LRFN5: variants seen among roughly 807,000 people sequenced by gnomAD.
LRFN5 encodes the protein leucine-rich repeat and fibronectin type-III domain-containing protein 5.
In LRFN5, 24 loss-of-function variants were observed where a neutral mutation model predicts 45.6. That is an observed-to-expected ratio of 0.53 (90% CI 0.38 to 0.74). The LOEUF (loss-of-function observed/expected upper bound fraction) is 0.74. Ranked by LOEUF, LRFN5 falls within the 30% of genes least tolerant of loss-of-function variation. The pLI, the probability that LRFN5 is intolerant of heterozygous loss-of-function variation, is 0.00. For missense variants in LRFN5, 776 were observed against 861.5 expected (o/e 0.90, Z 1.24); for synonymous variants, 340 against 313.8 (o/e 1.08, Z -0.88).
At chr14:41,841,983 A>C (rs1465265900) in intron 2 of LRFN5, among the ~76,000 whole-genome samples, 1 of 151,946 alleles carries the variant, frequency 6.6e-6, no homozygotes, top group African/African-American at 2.4e-5. Context: ...TGTCTTTTAT[A>C]TGTGGATGGT....
At chr14:41,839,958 T>C (rs561802457) in intron 2 of LRFN5, among the ~76,000 whole-genome samples, 2 of 152,256 alleles carry the variant, frequency 1.3e-5, no homozygotes, top group African/African-American at 4.8e-5. Flanking sequence ...CACATTATCC[T>C]GGCATTCTGT....
intron 2 of LRFN5, among the ~76,000 whole-genome samples, chr14:41,857,668 C>T (rs751160373): frequency 2.6e-5 from 4 of 152,172 alleles, no homozygotes; most frequent in African/African-American, 4.8e-5. Context: ...GCATAATACA[C>T]ATACTCTGGA....
chr14:41,842,341 TG>T (rs1457854699), intron 2 of LRFN5, among the ~76,000 whole-genome samples: 1 of 152,150 alleles, frequency 6.6e-6, no homozygotes, highest in Non-Finnish European at 1.5e-5. Context: ...GGTTAACTTT[TG>T]TCTTGCTGAT....
intron 1 of LRFN5, among the ~76,000 whole-genome samples, chr14:41,758,380 C>A (rs1237647405): frequency 6.6e-6 from 1 of 152,184 alleles, no homozygotes; most frequent in Non-Finnish European, 1.5e-5. Flanking sequence ...ATGTGTATTT[C>A]ATATAAACTA....
At chr14:41,687,735 G>T (rs142899165) in intron 1 of LRFN5, among the ~76,000 whole-genome samples, 1 of 152,062 alleles carries the variant, frequency 6.6e-6, no homozygotes, top group Non-Finnish European at 1.5e-5. Flanking sequence ...ACTAACAAAG[G>T]AACAGAAAAC....
chr14:41,799,948 G>C (rs562066684), intron 2 of LRFN5, among the ~76,000 whole-genome samples: 108 of 151,766 alleles, frequency 7.1e-4, no homozygotes, highest in Middle Eastern at 6.8e-3. Flanking sequence ...GGAAGGGAAA[G>C]GGAAAGGGAA....
chr14:41,765,514 G>A (rs1044233691), intron 1 of LRFN5, among the ~76,000 whole-genome samples: 1 of 152,172 alleles, frequency 6.6e-6, no homozygotes, highest in African/African-American at 2.4e-5. Context: ...TCTTACTTTG[G>A]AGGAAGATGT....
chr14:41,810,499 A>G (rs1566457862), intron 2 of LRFN5, among the ~76,000 whole-genome samples: 1 of 152,012 alleles, frequency 6.6e-6, no homozygotes. Context: ...CAGCCAAGGT[A>G]TTGTTGACTG....
chr14:41,663,299 A>G (rs1225296202), intron 1 of LRFN5, among the ~76,000 whole-genome samples: 4 of 152,096 alleles, frequency 2.6e-5, no homozygotes, highest in African/African-American at 9.7e-5. Context: ...CTTGTCAGAG[A>G]GGACTCACTT....
intron 2 of LRFN5, among the ~76,000 whole-genome samples, chr14:41,869,267 A>T (rs1889937351): frequency 6.6e-6 from 1 of 152,114 alleles, no homozygotes; most frequent in African/African-American, 2.4e-5. Context: ...ATGTCTCCTG[A>T]GCACCTGTAC....
chr14:41,702,791 A>G (rs1236305135), intron 1 of LRFN5, among the ~76,000 whole-genome samples: 1 of 151,862 alleles, frequency 6.6e-6, no homozygotes, highest in Non-Finnish European at 1.5e-5. Context: ...GCATAATCAC[A>G]CTAATTTCTA....
chr14:41,699,189 A>G (rs1882737793), intron 1 of LRFN5, among the ~76,000 whole-genome samples: 1 of 152,070 alleles, frequency 6.6e-6, no homozygotes, highest in Admixed American at 6.6e-5. Context: ...ATTAAAATGA[A>G]TATTCTTACC....
At chr14:41,652,425 G>T (rs557993149) in intron 1 of LRFN5, among the ~76,000 whole-genome samples, 75 of 152,072 alleles carry the variant, frequency 4.9e-4, no homozygotes, top group African/African-American at 1.7e-3. Flanking sequence ...ATTACTTAAC[G>T]TAACAATAAA....
chr14:41,866,333 A>G lies in LRFN5; in HGVS notation c.-20-20273A>G, dbSNP rs78330958. On this transcript the variant is annotated intron_variant, in intron 2 of 5. Transcript: ENST00000298119. The stretch of plus-strand genomic sequence containing the variant: ...AAGAGATCAGAGAGAAAACACCTTT[A>G]AAGAATTTTCTCATCTTCTGTAGGC... Among the ~76,000 whole-genome samples the G allele has an allele frequency of 7.1e-3, 1,083 of 152,260 alleles. 12 individuals carry two copies. Among genetic ancestry groups the G allele is most frequent in the African/African-American group, 0.025 (1,035 of 41,556 alleles).
intron 1 of LRFN5, among the ~76,000 whole-genome samples, chr14:41,650,267 A>ACACACACACACACACAC (rs1555351106): frequency 2.5e-5 from 3 of 121,806 alleles, no homozygotes; most frequent in African/African-American, 9.8e-5. Flanking sequence ...ACACACACAC[A>ACACACACACACACACAC]AAAAAAAAAA....
intron 1 of LRFN5, among the ~76,000 whole-genome samples, chr14:41,662,812 GACTA>G (rs1360950604): frequency 6.6e-6 from 1 of 152,048 alleles, no homozygotes; most frequent in Admixed American, 6.6e-5. Context: ...TTCCACAACT[GACTA>G]ACCTGCACAA....
At chr14:41,881,753 A>G (rs1890388906) in intron 2 of LRFN5, among the ~76,000 whole-genome samples, 1 of 152,094 alleles carries the variant, frequency 6.6e-6, no homozygotes, top group South Asian at 2.1e-4. Context: ...AATTACATTT[A>G]TACTTTCTTC....
At chr14:41,803,258 T>C (rs1437392319) in intron 2 of LRFN5, among the ~76,000 whole-genome samples, 1 of 152,220 alleles carries the variant, frequency 6.6e-6, no homozygotes, top group African/African-American at 2.4e-5. Context: ...TTAAGTTTTA[T>C]GTACATTCTT....
intron 2 of LRFN5, among the ~76,000 whole-genome samples, chr14:41,873,223 A>G (rs1265491912): frequency 1.3e-5 from 2 of 152,340 alleles, no homozygotes; most frequent in South Asian, 4.1e-4. Context: ...ATTTTCAGGC[A>G]TAGTGCAGGA....
Sources: allele counts gnomAD v4.1 joint callset (sites outside exome capture counted in the v4.1 genomes callset), GRCh38; gene constraint gnomAD v4.1.1; transcripts MANE v1.5; gene names NCBI Gene and HGNC (gene_info 2026-07-23, HGNC 2026-07-21).